GRIK1: variants seen among roughly 807,000 people sequenced by gnomAD.
GRIK1 encodes the protein glutamate receptor ionotropic, kainate 1.
Under a neutral mutation model 105.7 loss-of-function variants are expected in GRIK1, and 69 were observed. The ratio of observed to expected loss-of-function variants is 0.65; its 90% CI spans 0.54 to 0.80. GRIK1 has a LOEUF of 0.80. GRIK1 is among the 30% of genes least tolerant of loss of function. The pLI, the probability that GRIK1 is intolerant of heterozygous loss-of-function variation, is 0.00. For missense variants in GRIK1, 1,109 were observed against 1,167.3 expected, an observed-to-expected ratio of 0.95 and a Z score of 0.73; for synonymous variants, 438 against 431.3, an observed-to-expected ratio of 1.02 and a Z score of -0.19.
intron 1 of GRIK1, among the ~76,000 whole-genome samples, chr21:29,802,994 G>T (rs1298112910): frequency 1.3e-5 from 2 of 152,020 alleles, no homozygotes; most frequent in African/African-American, 4.8e-5. Context: ...CTTATTAATT[G>T]ATTATTATCA....
intron 1 of GRIK1, among the ~76,000 whole-genome samples, chr21:29,757,141 A>T (rs1037371615): frequency 1.8e-4 from 28 of 152,006 alleles, no homozygotes; most frequent in African/African-American, 5.1e-4. Flanking sequence ...AAAATAAATT[A>T]AAAAATTTAA....
chr21:29,656,431 G>T (rs1280557245), intron 4 of GRIK1, among the ~76,000 whole-genome samples: 1 of 138,150 alleles, frequency 7.2e-6, no homozygotes, highest in Non-Finnish European at 1.5e-5. Flanking sequence ...TTCCAAGGTA[G>T]TTTTCCGCAC....
chr21:29,775,427 C>G (rs2065918085), intron 1 of GRIK1, among the ~76,000 whole-genome samples: 3 of 152,122 alleles, frequency 2.0e-5, no homozygotes. Flanking sequence ...TTCTCTGCTT[C>G]CTCTCTCCAG....
intron 1 of GRIK1, among the ~76,000 whole-genome samples, chr21:29,793,760 T>G (rs1206890349): frequency 2.0e-5 from 3 of 152,208 alleles, no homozygotes; most frequent in Non-Finnish European, 4.4e-5. Flanking sequence ...AATAAATACA[T>G]TAAATAAAGG....
At chr21:29,810,772 G>A (rs972707103) in intron 1 of GRIK1, among the ~76,000 whole-genome samples, 2 of 152,082 alleles carry the variant, frequency 1.3e-5, no homozygotes, top group Admixed American at 1.3e-4. Flanking sequence ...AAATTCTGCC[G>A]TGATGCCTGG....
At position 29,606,710 on chromosome 21, in the gene GRIK1, A is replaced by G. The variant is rs559163241; in HGVS notation, c.1099-7773T>C. 2.6e-5 allele frequency among the ~76,000 whole-genome samples: 4 copies of G among 152,214 alleles called. No individual in the cohort carries two copies. The East Asian group carries it at 7.7e-4, about 29-fold the overall frequency. On this transcript the variant is annotated intron_variant, in intron 7 of 17. Transcript: ENST00000327783. ...CAAAACAAAACAAAAAAAACAAAAA[A>G]ACCCAAAACACAACACTCCAGTCCT...
At chr21:29,564,047 C>G (rs894276453) in intron 14 of GRIK1, among the ~76,000 whole-genome samples, 1 of 152,194 alleles carries the variant, frequency 6.6e-6, no homozygotes, top group Non-Finnish European at 1.5e-5. Flanking sequence ...TCATTATTCC[C>G]TGAGGTGGGT....
chr21:29,936,367 C>CAG (rs2071755442), intron 1 of GRIK1, among the ~76,000 whole-genome samples: 1 of 152,158 alleles, frequency 6.6e-6, no homozygotes, highest in Non-Finnish European at 1.5e-5. Context: ...TGGGCCACGT[C>CAG]TACTAAGTTT....
intron 7 of GRIK1, among the ~76,000 whole-genome samples, chr21:29,626,491 G>A (rs115475225): frequency 2.1e-3 from 313 of 152,284 alleles, no homozygotes; most frequent in African/African-American, 7.2e-3. Flanking sequence ...CACCAGGGGA[G>A]GACACAGCAA....
At chr21:29,889,150 C>A (rs1306295560) in intron 1 of GRIK1, among the ~76,000 whole-genome samples, 2 of 152,002 alleles carry the variant, frequency 1.3e-5, no homozygotes, top group African/African-American at 4.8e-5. Context: ...ACATTTTTGA[C>A]AACAGAATAC....
chr21:29,756,721 A>C (rs542636462), intron 1 of GRIK1, among the ~76,000 whole-genome samples: 2 of 152,306 alleles, frequency 1.3e-5, no homozygotes, highest in East Asian at 3.9e-4. Flanking sequence ...AAAAAACTAG[A>C]AATGATTAGC....
intron 1 of GRIK1, among the ~76,000 whole-genome samples, chr21:29,771,704 G>C (rs887641725): frequency 2.0e-5 from 3 of 152,226 alleles, no homozygotes; most frequent in Non-Finnish European, 4.4e-5. Context: ...TATCACTGAT[G>C]AGTAAGTGAC....
chr21:29,556,260 C>T (rs943453786), intron 15 of GRIK1, among the ~76,000 whole-genome samples: 4 of 152,146 alleles, frequency 2.6e-5, no homozygotes, highest in Admixed American at 2.6e-4. Context: ...CCGCCTGTAA[C>T]CAGTTTAATA....
In GRIK1 at chr21:29,867,851, A is replaced by G. The variant is rs558392769; in HGVS notation, c.118+71532T>C. On this transcript the variant is annotated intron_variant, in intron 1 of 17. Coordinates refer to ENST00000327783, the MANE Select transcript of GRIK1 (RefSeq NM_001330994.2). The stretch of plus-strand genomic sequence containing the variant: ...AAGAAAGAAAGAAAGAAGGAAGGAA[A>G]GAGAGAAAGAGAGAGAAAGAGAGAA... Among the ~76,000 whole-genome samples, 37 of 111,906 alleles carry G rather than the reference A, an allele frequency of 3.3e-4. No homozygotes were observed. In the East Asian group the frequency reaches 8.6e-3, roughly 26 times the overall value. 73.4% of individuals were successfully genotyped at this position (111,906 alleles called of 152,430 possible). A position where few individuals can be genotyped will look rare whatever the true frequency, so the allele number is the denominator to read the frequency against.
rs574500509 is a variant in GRIK1 at position 29,600,100 on chromosome 21, CA to C, written c.1099-1164del. Among the ~76,000 whole-genome samples, 11 of 152,020 alleles carry C rather than the reference CA, an allele frequency of 7.2e-5. No individual in the cohort carries two copies. In the South Asian group the frequency reaches 2.1e-3, roughly 29 times the overall value. On this transcript the variant is annotated intron_variant, in intron 7 of 17. Transcript: ENST00000327783. ...ACTCCGTCTAAAACAAAAACAAAAA[CA>C]AAAAAACTCCTTCTGCTTCTGTCTT...
chr21:29,592,589 T>C (rs932590726), intron 9 of GRIK1, among the ~76,000 whole-genome samples: 1 of 152,192 alleles, frequency 6.6e-6, no homozygotes, highest in Non-Finnish European at 1.5e-5. Context: ...GAAGACCTTG[T>C]TGCTGTGTGT....
At chr21:29,655,795 A>G (rs1351436676) in intron 4 of GRIK1, among the ~76,000 whole-genome samples, 2 of 152,070 alleles carry the variant, frequency 1.3e-5, no homozygotes, top group Non-Finnish European at 2.9e-5. Flanking sequence ...TTGGGATCGT[A>G]ATAGTTCCGG....
Position 29,939,719 on chromosome 21 carries a change from C to T in GRIK1, c.-219G>A. On this transcript the variant is annotated 5_prime_UTR_variant, in exon 1 of 18. Coordinates refer to ENST00000327783, the MANE Select transcript of GRIK1 (RefSeq NM_001330994.2). ...GGGGCTCCTCAGTGCTGTCGCTAGC[C>T]CATCACGGCTCCTCCTCCTCCTCTT... The T allele has an allele frequency of 2.3e-6, 1 of 430,154 alleles. No homozygotes were observed. Among genetic ancestry groups the T allele is most frequent in the South Asian group, 5.2e-5 (1 of 19,196 alleles). 26.6% of individuals were successfully genotyped at this position (430,154 alleles called of 1,614,324 possible).
At chr21:29,765,816 T>C (rs2065647806) in intron 1 of GRIK1, among the ~76,000 whole-genome samples, 1 of 152,144 alleles carries the variant, frequency 6.6e-6, no homozygotes, top group African/African-American at 2.4e-5. Flanking sequence ...ATTTCTTTAC[T>C]ACTGTTCTTG....
Sources: allele counts gnomAD v4.1 joint callset (sites outside exome capture counted in the v4.1 genomes callset), GRCh38; gene constraint gnomAD v4.1.1; transcripts MANE v1.5; gene names NCBI Gene and HGNC (gene_info 2026-07-23, HGNC 2026-07-21).